Variants in WDR27 observed in about 807,000 individuals in gnomAD.
WDR27 encodes WD repeat-containing protein 27.
In WDR27, 100 loss-of-function variants were observed where a neutral mutation model predicts 114.4. The observed-to-expected ratio is 0.87, with a 90% CI of 0.74 to 1.03. The LOEUF is 1.03. WDR27 is among the 50% of genes least tolerant of loss of function. The pLI, the probability that WDR27 is intolerant of heterozygous loss-of-function variation, is 0.00. For synonymous variants in WDR27, 449 were observed against 423.1 expected (o/e 1.06, Z -0.75); for missense variants, 1,129 against 1,092.9 (o/e 1.03, Z -0.47).
At chr6:169,624,999 G>T (rs928301446) in intron 21 of WDR27, among the ~76,000 whole-genome samples, 9 of 152,232 alleles carry the variant, frequency 5.9e-5, no homozygotes, top group African/African-American at 2.2e-4. Context: ...GGACCTGCAA[G>T]ATGCAACTCC....
intron 25 of WDR27, among the ~76,000 whole-genome samples, chr6:169,548,731 C>G (rs936039205): frequency 5.9e-5 from 9 of 152,054 alleles, no homozygotes; most frequent in Non-Finnish European, 1.2e-4. Context: ...GAATAGAGAG[C>G]CCAGAAATAG....
At chr6:169,523,036 C>A (rs1794574411) in intron 25 of WDR27, among the ~76,000 whole-genome samples, 1 of 151,710 alleles carries the variant, frequency 6.6e-6, no homozygotes, top group African/African-American at 2.4e-5. Context: ...GTTTTACTGA[C>A]AAACATTTGG....
intron 20 of WDR27, 50 bp downstream of exon 20, chr6:169,634,378 G>T: frequency 7.2e-7 from 1 of 1,398,522 alleles, no homozygotes; most frequent in East Asian, 2.4e-5. Context: ...TCTGCCAGAG[G>T]AACAACACTC....
chr6:169,649,344 T>C (rs988666894), intron 14 of WDR27, 69 bp from the exon 15 acceptor site: 19 of 1,362,142 alleles, frequency 1.4e-5, no homozygotes, highest in Non-Finnish European at 1.9e-5. Flanking sequence ...AGATTTATAT[T>C]TTACAGTGAA....
chr6:169,446,469 C>T, the WDR27 span, among the ~76,000 whole-genome samples: 3 of 152,206 alleles, frequency 2.0e-5, no homozygotes, highest in Admixed American at 6.5e-5. Context: ...GACTTCTTAA[C>T]ATTTCCTTAC....
chr6:169,614,888 T>C (rs1204466185), intron 21 of WDR27, among the ~76,000 whole-genome samples: 1 of 152,046 alleles, frequency 6.6e-6, no homozygotes, highest in Non-Finnish European at 1.5e-5. Context: ...ACAGAGAAGA[T>C]AATGGCACTA....
chr6:169,460,818 T>A (rs879603766), intron 25 of WDR27, among the ~76,000 whole-genome samples: 6 of 152,148 alleles, frequency 3.9e-5, no homozygotes, highest in African/African-American at 1.4e-4. Context: ...GAGTTTTACA[T>A]CCCATAAATA....
chr6:169,552,192 G>T (rs1798237969), intron 25 of WDR27, among the ~76,000 whole-genome samples: 1 of 152,116 alleles, frequency 6.6e-6, no homozygotes, highest in South Asian at 2.1e-4. Flanking sequence ...CGGCAGTCAT[G>T]CAGCCCACCC....
At chr6:169,682,443 G>C (rs551071522) in intron 2 of WDR27, among the ~76,000 whole-genome samples, 118 of 152,288 alleles carry the variant, frequency 7.7e-4, no homozygotes, top group Admixed American at 1.5e-3. Flanking sequence ...AGGTCCATCT[G>C]GGCCAGAAAG....
intron 25 of WDR27, among the ~76,000 whole-genome samples, chr6:169,491,331 G>T (rs1789723358): frequency 6.6e-6 from 1 of 152,076 alleles, no homozygotes; most frequent in South Asian, 2.1e-4. Context: ...AGGGTGTAGG[G>T]TGGGGTTACT....
At chr6:169,473,384 G>T (rs569068902) in intron 25 of WDR27, among the ~76,000 whole-genome samples, 43 of 152,222 alleles carry the variant, frequency 2.8e-4, no homozygotes, top group African/African-American at 9.6e-4. Context: ...TTTATTTTAT[G>T]GAAAATGGGG....
intron 25 of WDR27, among the ~76,000 whole-genome samples, chr6:169,539,510 T>C (rs1796588668): frequency 6.6e-6 from 1 of 152,034 alleles, no homozygotes; most frequent in East Asian, 1.9e-4. Flanking sequence ...CCACCATCCC[T>C]TACTTAAAAA....
rs535483678 is a variant in WDR27, at chr6:169,655,974, G to A, written c.1402+2302C>T. ...CCTGACCTCGTGATCCGCCTGCCTC[G>A]GCCTCCCAAAGTGCTGCGATTACAG... On this transcript the variant is annotated intron_variant, in intron 13 of 25. Transcript: ENST00000448612. 5.1e-4 allele frequency among the ~76,000 whole-genome samples: 77 copies of A among 152,186 alleles called. No individual in the cohort carries two copies. The Middle Eastern group carries it at 0.02, about 40-fold the overall frequency.
intron 25 of WDR27, among the ~76,000 whole-genome samples, chr6:169,468,131 A>G (rs187379092): frequency 6.6e-6 from 1 of 152,272 alleles, no homozygotes; most frequent in East Asian, 1.9e-4. Flanking sequence ...GTTCCCAAAA[A>G]GTTTCTCATC....
rs751464398 is a variant in WDR27 at position 169,670,565 on chromosome 6, T to C, written c.456+4A>G. On this transcript the variant is annotated splice_donor_region_variant and intron_variant, in intron 4 of 25. Transcript: ENST00000448612. ...CGTGAAATCCACGTGAATTTCAATC[T>C]TACCTCAATATCCAGCATGAATATT... The C allele has an allele frequency of 6.2e-7, 1 of 1,613,978 alleles. No homozygotes were observed. Among genetic ancestry groups the C allele is most frequent in the East Asian group, 2.2e-5 (1 of 44,880 alleles).
intron 25 of WDR27, among the ~76,000 whole-genome samples, chr6:169,512,760 T>G (rs1010862991): frequency 6.6e-6 from 1 of 152,222 alleles, no homozygotes; most frequent in Non-Finnish European, 1.5e-5. Context: ...CCTTTGATTT[T>G]GTATTAAAAG....
Position 169,672,345 on chromosome 6 carries a change from T to A in WDR27, c.241A>T (p.Asn81Tyr). Residue 81 changes from asparagine (N) to tyrosine (Y), a missense_variant, in exon 3 of 26, where the codon AAT (asparagine) becomes TAT (tyrosine). Coordinates refer to ENST00000448612, the MANE Select transcript of WDR27 (RefSeq NM_182552.5). ...CAGATTAGAAGTGGGTTCACTTTAT[T>A]TCCAAAAGCCATAGCAGTAATTGGC... ...HQPITAMAFGNKVNPLLICSA... is the reference protein window; with the variant it reads ...HQPITAMAFGYKVNPLLICSA... 1 of 1,612,556 alleles carries A rather than the reference T, an allele frequency of 6.2e-7. No individual in the cohort carries two copies. The highest frequency in any genetic ancestry group is 8.5e-7 in the Non-Finnish European group (1 of 1,179,104).
At chr6:169,536,175 G>A (rs565350299) in intron 25 of WDR27, among the ~76,000 whole-genome samples, 136 of 152,238 alleles carry the variant, frequency 8.9e-4, no homozygotes, top group African/African-American at 3.1e-3. Context: ...GGTTTTCTGC[G>A]GTTTATAACT....
intron 22 of WDR27, among the ~76,000 whole-genome samples, chr6:169,611,304 TAC>T (rs1491275216): frequency 9.5e-6 from 1 of 105,380 alleles, no homozygotes; most frequent in African/African-American, 3.6e-5. Flanking sequence ...CTTTTTTACT[TAC>T]TTTTTTTTTT....
Sources: allele counts gnomAD v4.1 joint callset (sites outside exome capture counted in the v4.1 genomes callset), GRCh38; gene constraint gnomAD v4.1.1; transcripts MANE v1.5; gene names NCBI Gene and HGNC (gene_info 2026-07-23, HGNC 2026-07-21).